The following PPP4R2 variants were observed in gnomAD, a reference collection of about 807,000 sequenced individuals.
PPP4R2 encodes the protein protein phosphatase 4 regulatory subunit 2, also known as serine/threonine-protein phosphatase 4 regulatory subunit 2.
Under a neutral mutation model 47.2 loss-of-function variants are expected in PPP4R2, and 13 were observed. That is an observed-to-expected ratio of 0.28 (90% CI 0.18 to 0.44). The LOEUF is 0.44. Among genes scored for constraint, PPP4R2 ranks in the 20% least tolerant of loss-of-function variants. PPP4R2 has a pLI of 1.00. For missense variants in PPP4R2, 421 were observed against 491.2 expected, an observed-to-expected ratio of 0.86 and a Z score of 1.35; for synonymous variants, 151 against 163.3, an observed-to-expected ratio of 0.92 and a Z score of 0.57.
chr3:73,034,092 A>G (rs1044049541), intron 2 of PPP4R2, among the ~76,000 whole-genome samples: 1 of 151,972 alleles, frequency 6.6e-6, no homozygotes, highest in Non-Finnish European at 1.5e-5. Context: ...AATGTTTTTG[A>G]TTTAAAATAA....
Position 72,997,044 on chromosome 3 carries a change from G to C in PPP4R2, c.7G>C (p.Val3Leu), listed in dbSNP as rs750748054. 1 of 1,407,484 alleles carries C rather than the reference G, an allele frequency of 7.1e-7. No homozygotes were observed. Among genetic ancestry groups the C allele is most frequent in the Non-Finnish European group, 9.4e-7 (1 of 1,064,088 alleles). The allele number at this position is 1,407,484 out of a possible 1,614,324, so 87.2% of individuals were successfully genotyped here. Residue 3 changes from valine to leucine, a missense_variant, in exon 1 of 9, where the codon GTC becomes CTC. Val to Leu is a conservative substitution (Grantham distance 32). Transcript: ENST00000356692. The part of the protein sequence containing the change: MD[V>L]ERLQEALKDF... ...TGAGGGACTCCGGGAAGCCATGGAC[G>C]TCGAGAGGCTCCAGGAGGCGCTGAA...
chr3:73,049,384 A>G (rs549250503), intron 3 of PPP4R2, among the ~76,000 whole-genome samples: 24 of 152,216 alleles, frequency 1.6e-4, no homozygotes, highest in African/African-American at 5.8e-4. Context: ...CCATAATCCC[A>G]GCTACTCGGG....
At chr3:73,051,621 AGTTT>A (rs528037713) in intron 3 of PPP4R2, among the ~76,000 whole-genome samples, 56 of 152,104 alleles carry the variant, frequency 3.7e-4, no homozygotes, top group African/African-American at 1.1e-3. Flanking sequence ...CCAAAGTACA[AGTTT>A]GTTTGTTTGT....
chr3:73,036,068 G>C (rs546176608), intron 2 of PPP4R2, among the ~76,000 whole-genome samples: 5 of 152,248 alleles, frequency 3.3e-5, no homozygotes, highest in Non-Finnish European at 7.4e-5. Flanking sequence ...GATATAAAAA[G>C]AATGAATGAA....
At chr3:73,056,545 G>A (rs1045355533) in intron 3 of PPP4R2, among the ~76,000 whole-genome samples, 1 of 86,858 alleles carries the variant, frequency 1.2e-5, no homozygotes, top group African/African-American at 3.0e-5. Flanking sequence ...AAAAGGAAGT[G>A]TTGTGTGACA....
intron 2 of PPP4R2, among the ~76,000 whole-genome samples, chr3:73,020,526 T>C (rs973359681): frequency 7.3e-5 from 11 of 151,018 alleles, no homozygotes; most frequent in African/African-American, 2.7e-4. Context: ...AAAATATAGC[T>C]GGGTGTGGTG....
intron 3 of PPP4R2, among the ~76,000 whole-genome samples, chr3:73,056,752 T>TA (rs1367047898): frequency 6.6e-6 from 1 of 152,190 alleles, no homozygotes; most frequent in Non-Finnish European, 1.5e-5. Context: ...AAAATATTAA[T>TA]AATTGGCTAC....
At chr3:73,039,912 G>C (rs965208637) in intron 2 of PPP4R2, among the ~76,000 whole-genome samples, 3 of 152,164 alleles carry the variant, frequency 2.0e-5, no homozygotes, top group Non-Finnish European at 4.4e-5. Context: ...AAATTAGCCA[G>C]GCATGGTGGC....
intron 2 of PPP4R2, among the ~76,000 whole-genome samples, chr3:73,016,583 G>A (rs983591503): frequency 1.3e-5 from 2 of 151,934 alleles, no homozygotes; most frequent in East Asian, 1.9e-4. Flanking sequence ...CACCAATTAA[G>A]GTCTTTAACC....
intron 2 of PPP4R2, among the ~76,000 whole-genome samples, chr3:72,999,837 A>G (rs1211676628): frequency 3.9e-5 from 6 of 152,160 alleles, no homozygotes; most frequent in Non-Finnish European, 8.8e-5. Context: ...TCTTATATTC[A>G]ATGGAATTTG....
At chr3:73,047,853 A>G (rs1702517158) in intron 3 of PPP4R2, among the ~76,000 whole-genome samples, 1 of 152,156 alleles carries the variant, frequency 6.6e-6, no homozygotes, top group South Asian at 2.1e-4. Flanking sequence ...TCTGTACAAA[A>G]GTAAAACTCC....
intron 2 of PPP4R2, among the ~76,000 whole-genome samples, chr3:73,001,201 C>A (rs1053191107): frequency 1.5e-4 from 23 of 151,872 alleles, no homozygotes; most frequent in African/African-American, 5.6e-4. Context: ...CTAAGACTTG[C>A]AATTCAGAAT....
At chr3:73,007,827 G>A (rs996942904) in intron 2 of PPP4R2, among the ~76,000 whole-genome samples, 1 of 152,026 alleles carries the variant, frequency 6.6e-6, no homozygotes, top group African/African-American at 2.4e-5. Flanking sequence ...GTTTTATTTT[G>A]TCTAACGTAG....
At chr3:73,021,922 A>G (rs1005583635) in intron 2 of PPP4R2, among the ~76,000 whole-genome samples, 2 of 143,970 alleles carry the variant, frequency 1.4e-5, no homozygotes, top group African/African-American at 2.6e-5. Context: ...TTTTTGAAAC[A>G]ATCTCGCTCT....
rs1437619030 is a variant in PPP4R2 at position 73,056,104 on chromosome 3, TA to T, written c.288-2932del. The stretch of plus-strand genomic sequence containing the variant: ...TCAGAAGTTAGAATAAACTATTTTG[TA>T]TGCTATGTCTAATGGATGAGTATCA... On this transcript the variant is annotated intron_variant, in intron 3 of 8. Transcript: ENST00000356692. Among the ~76,000 whole-genome samples, 3 of 152,238 alleles carry T rather than the reference TA, an allele frequency of 2.0e-5. No homozygotes were observed. The South Asian group carries it at 6.2e-4, about 31-fold the overall frequency.
At position 73,020,700 on chromosome 3, in the gene PPP4R2, A is replaced by T. The variant is rs1172674336; in HGVS notation, c.116+22542A>T. Among the ~76,000 whole-genome samples, 3 of 150,002 alleles carry T rather than the reference A, an allele frequency of 2.0e-5. No homozygotes were observed. In the South Asian group the frequency reaches 6.5e-4, roughly 32 times the overall value. On this transcript the variant is annotated intron_variant, in intron 2 of 8. Transcript: ENST00000356692. ...AAAAAAAAAAAAAAAAAGTTAAAAA[A>T]CTTTTTTTGTAGAGACAGGGTGTTG... is the stretch of plus-strand genomic sequence containing the variant.
At chr3:72,997,133 T>C in intron 1 of PPP4R2, 62 bp downstream of exon 1, 3 of 1,252,500 alleles carry the variant, frequency 2.4e-6, no homozygotes, top group South Asian at 2.5e-5. Flanking sequence ...TTCTCTCCTT[T>C]CAGGGCGGAT....
chr3:73,033,714 G>A (rs918816506), intron 2 of PPP4R2, among the ~76,000 whole-genome samples: 1 of 152,034 alleles, frequency 6.6e-6, no homozygotes, highest in African/African-American at 2.4e-5. Context: ...TCCAATCCCT[G>A]TCTAGCTTTT....
At position 73,007,388 on chromosome 3, in the gene PPP4R2, C is replaced by T. The variant is rs564148352; in HGVS notation, c.116+9230C>T. Among the ~76,000 whole-genome samples the T allele has an allele frequency of 2.6e-4, 40 of 152,276 alleles. No homozygotes were observed. The South Asian group carries it at 2.7e-3, about 10-fold the overall frequency. On this transcript the variant is annotated intron_variant, in intron 2 of 8. Transcript: ENST00000356692. ...TCGACAACTAAGACCCGCATTATTACAAAGAAATTCTCCTTAAGCCCATGA... is the reference window on the plus strand; with the variant it reads ...TCGACAACTAAGACCCGCATTATTATAAAGAAATTCTCCTTAAGCCCATGA...
Sources: allele counts gnomAD v4.1 joint callset (sites outside exome capture counted in the v4.1 genomes callset), GRCh38; gene constraint gnomAD v4.1.1; transcripts MANE v1.5; gene names NCBI Gene and HGNC (gene_info 2026-07-23, HGNC 2026-07-21).